OR11H4: variants seen among roughly 807,000 people sequenced by gnomAD.
OR11H4 encodes the protein olfactory receptor family 11 subfamily H member 4, also known as olfactory receptor 11H4.
For synonymous variants in OR11H4, 162 were observed against 142.3 expected, an observed-to-expected ratio of 1.14 and a Z score of -0.98; for missense variants, 460 against 371.1, an observed-to-expected ratio of 1.24 and a Z score of -1.97.
In OR11H4 at chr14:20,243,349, C is replaced by A. The variant is rs763223386; in HGVS notation, c.528C>A (p.His176Gln). ...TCTGTGGTCCTAATATCATTGATCACTTCCTGTGTGACATGGACCCATTGA... is the reference window on the plus strand; with the variant it reads ...TCTGTGGTCCTAATATCATTGATCAATTCCTGTGTGACATGGACCCATTGA... ...LPFCGPNIID[H>Q]FLCDMDPLMA... is the part of the protein sequence containing the mutation. Residue 176 changes from histidine to glutamine, a missense_variant, in exon 2 of 2, where the codon CAC becomes CAA. Coordinates refer to ENST00000641082, the MANE Select transcript of OR11H4 (RefSeq NM_001004479.2). The A allele has an allele frequency of 2.3e-5, 37 of 1,613,840 alleles. No homozygotes were observed. The Admixed American group carries it at 5.7e-4, about 25-fold the overall frequency.
chr14:20,242,104 CTT>C (rs1246077066), intron 1 of OR11H4, among the ~76,000 whole-genome samples: 1 of 152,044 alleles, frequency 6.6e-6, no homozygotes, highest in Non-Finnish European at 1.5e-5. Flanking sequence ...AGGCTTTCCT[CTT>C]TTACTAATCC....
intron 1 of OR11H4, among the ~76,000 whole-genome samples, chr14:20,241,600 T>A (rs144694582): frequency 0.01 from 1,585 of 152,272 alleles, 35 homozygotes; most frequent in African/African-American, 0.036. Flanking sequence ...ATTTCTGGTC[T>A]GGTAGGACGA....
Position 20,242,937 on chromosome 14 carries a change from T to C in OR11H4, c.116T>C (p.Leu39Ser), listed in dbSNP as rs1283484856. ...TTTTTGGTGATTTATGTCTTGACCT[T>C]GCTGGGAAATGGAGCCATCATCTAT... ...SLFLVIYVLT[L>S]LGNGAIIYAV... The change falls in exon 2 of 2, where the codon TTG becomes TCG. Residue 39 changes from leucine to serine, a missense_variant. Leu to Ser is a moderately radical substitution (Grantham distance 145). Transcript: ENST00000641082. 7 of 1,614,064 alleles carry C rather than the reference T, an allele frequency of 4.3e-6. No homozygotes were observed. The highest frequency in any genetic ancestry group is 5.9e-6 in the Non-Finnish European group (7 of 1,180,038).
chr14:20,240,621 AGGCT>A (rs1308285732), intron 1 of OR11H4, among the ~76,000 whole-genome samples: 1 of 146,676 alleles, frequency 6.8e-6, no homozygotes, highest in Non-Finnish European at 1.5e-5. Flanking sequence ...TCTGTCACCC[AGGCT>A]GGAGTGCAAT....
In OR11H4 at chr14:20,243,127, T is replaced by G; in HGVS notation, c.306T>G (p.Tyr102Ter). Residue 102 changes from tyrosine (Y) to a stop codon, truncating the protein, a stop_gained, in exon 2 of 2, where the codon TAT becomes TAG. Transcript: ENST00000641082. LOFTEE classifies it low-confidence loss of function (END_TRUNC). ...ISFSGCFLQF[Y>*]FFFSLGTTEC... ...TTTCTGGGTGCTTCCTCCAGTTCTA[T>G]TTCTTCTTTTCACTGGGAACAACTG... 6.2e-7 allele frequency: 1 copy of G among 1,614,168 alleles called. No individual in the cohort carries two copies. The highest frequency in any genetic ancestry group is 8.5e-7 in the Non-Finnish European group (1 of 1,180,026).
At position 20,243,531 on chromosome 14, in the gene OR11H4, C is replaced by A; in HGVS notation, c.710C>A (p.Ala237Asp). 1.9e-6 allele frequency: 3 copies of A among 1,613,540 alleles called. No homozygotes were observed. Among genetic ancestry groups the A allele is most frequent in the Non-Finnish European group, 2.5e-6 (3 of 1,179,816 alleles). ...QVPSAAGRRK[A>D]FSTCGSHLVV... ...CCTTCTGCAGCTGGTCGGAGAAAAGCCTTCTCTACCTGTGGTTCTCATTTG... is the reference window on the plus strand; with the variant it reads ...CCTTCTGCAGCTGGTCGGAGAAAAGACTTCTCTACCTGTGGTTCTCATTTG... Residue 237 changes from alanine (A) to aspartate (D), a missense_variant, in exon 2 of 2, where the codon GCC becomes GAC. Ala to Asp is a moderately radical substitution (Grantham distance 126). Coordinates refer to ENST00000641082, the MANE Select transcript of OR11H4 (RefSeq NM_001004479.2).
rs1880991519 is a variant in OR11H4 at position 20,243,575 on chromosome 14, T to C, written c.754T>C (p.Tyr252His). The C allele has an allele frequency of 6.2e-7, 1 of 1,613,694 alleles. No homozygotes were observed. Among genetic ancestry groups the C allele is most frequent in the Non-Finnish European group, 8.5e-7 (1 of 1,179,838 alleles). ...GSHLVVVSLFYGTVMVMYVSP... is the reference protein window; with the variant it reads ...GSHLVVVSLFHGTVMVMYVSP... ...TCATTTGGTTGTGGTATCTCTTTTC[T>C]ATGGGACAGTCATGGTAATGTATGT... Residue 252 changes from tyrosine (Y) to histidine (H), a missense_variant, in exon 2 of 2, where the codon TAT (tyrosine) becomes CAT (histidine). By Grantham distance (83) the Tyr-to-His change is moderately conservative. Transcript: ENST00000641082.
At position 20,243,845 on chromosome 14, in the gene OR11H4, C is replaced by A; in HGVS notation, c.*79C>A. 2 of 1,411,600 alleles carry A rather than the reference C, an allele frequency of 1.4e-6. No individual in the cohort carries two copies. The highest frequency in any genetic ancestry group is 1.9e-6 in the Non-Finnish European group (2 of 1,047,960). The allele number at this position is 1,411,600 out of a possible 1,614,324, so 87.4% of individuals were successfully genotyped here. On this transcript the variant is annotated 3_prime_UTR_variant, in exon 2 of 2. Transcript: ENST00000641082. Reference sequence around the variant, plus strand: ...GTCAGTTCTTTAGCAGTCTTTCAGTCCTCAGTCTGAGTAGTTAGAGGTTGT... The same window carrying A: ...GTCAGTTCTTTAGCAGTCTTTCAGTACTCAGTCTGAGTAGTTAGAGGTTGT...
intron 1 of OR11H4, among the ~76,000 whole-genome samples, chr14:20,241,047 T>C: frequency 6.6e-6 from 1 of 152,114 alleles, no homozygotes; most frequent in East Asian, 1.9e-4. Context: ...TTACCTTCCT[T>C]TCAGTAAACA....
At chr14:20,242,153 G>T (rs935049605) in intron 1 of OR11H4, among the ~76,000 whole-genome samples, 1 of 151,944 alleles carries the variant, frequency 6.6e-6, no homozygotes, top group Non-Finnish European at 1.5e-5. Flanking sequence ...TCCGGCTGGG[G>T]GACGGTCAGG....
chr14:20,243,322 C>T lies in OR11H4; in HGVS notation c.501C>T (p.Pro167=). 1 of 1,614,022 alleles carries T rather than the reference C, an allele frequency of 6.2e-7. No individual in the cohort carries two copies. The highest frequency in any genetic ancestry group is 1.1e-5 in the South Asian group (1 of 91,078). Residue 167 remains proline, a synonymous_variant, in exon 2 of 2, where the codon CCC becomes CCT. Coordinates refer to ENST00000641082, the MANE Select transcript of OR11H4 (RefSeq NM_001004479.2). The part of the protein sequence containing the change: ...PIPIFYISQL[P]FCGPNIIDHF... ...CCATTTTCTACATCTCCCAACTCCC[C>T]TTCTGTGGTCCTAATATCATTGATC...
At position 20,241,839 on chromosome 14, in the gene OR11H4, T is replaced by A. The variant is rs1880930810; in HGVS notation, c.-11-972T>A. On this transcript the variant is annotated intron_variant, in intron 1 of 1. Coordinates refer to ENST00000641082, the MANE Select transcript of OR11H4 (RefSeq NM_001004479.2). ...AAACATGTGAGCAGAAGAATCTATGTCATAATTAAGTTCAAGGGAAGGTAC... is the reference window on the plus strand; with the variant it reads ...AAACATGTGAGCAGAAGAATCTATGACATAATTAAGTTCAAGGGAAGGTAC... Among the ~76,000 whole-genome samples the A allele has an allele frequency of 2.6e-5, 4 of 152,024 alleles. No individual in the cohort carries two copies. The South Asian group carries it at 8.3e-4, about 32-fold the overall frequency.
chr14:20,240,814 G>A (rs61993910), intron 1 of OR11H4, among the ~76,000 whole-genome samples: 24,647 of 151,668 alleles, frequency 0.16, 2,635 homozygotes, highest in African/African-American at 0.3. Context: ...TGACTTCAGC[G>A]ATCTACCCAC....
At position 20,244,326 on chromosome 14, in the gene OR11H4, T is replaced by G. The variant is rs2138754342; in HGVS notation, c.*560T>G. ...ATCTGCTCCTCAGAGTCAATACATC[T>G]AAATCCCTCTGTCTGGCACTCGACA... On this transcript the variant is annotated 3_prime_UTR_variant, in exon 2 of 2. Coordinates refer to ENST00000641082, the MANE Select transcript of OR11H4 (RefSeq NM_001004479.2). The G allele has an allele frequency of 6.6e-6, 1 of 152,392 alleles. No homozygotes were observed. Among genetic ancestry groups the G allele is most frequent in the East Asian group, 1.9e-4 (1 of 5,178 alleles). The allele number at this position is 152,392 out of a possible 1,614,324, so 9.4% of individuals were successfully genotyped here. A position where few individuals can be genotyped will look rare whatever the true frequency, so the allele number is the denominator to read the frequency against.
Position 20,242,828 on chromosome 14 carries a change from A to C in OR11H4, c.7A>C (p.Arg3=). The C allele has an allele frequency of 6.2e-7, 1 of 1,613,986 alleles. No homozygotes were observed. The highest frequency in any genetic ancestry group is 8.5e-7 in the Non-Finnish European group (1 of 1,179,872). Residue 3 remains arginine, a synonymous_variant, in exon 2 of 2, where the codon AGG becomes CGG. Transcript: ENST00000641082. MN[R]SATHIVTEFI... is the part of the protein sequence containing the mutation. Reference sequence around the variant, plus strand: ...CTTTGTAGACTTAAGACCCATGAACAGGTCAGCAACACACATCGTGACAGA... The same window carrying C: ...CTTTGTAGACTTAAGACCCATGAACCGGTCAGCAACACACATCGTGACAGA...
At chr14:20,242,563 C>G (rs181675963) in intron 1 of OR11H4, among the ~76,000 whole-genome samples, 1 of 152,178 alleles carries the variant, frequency 6.6e-6, no homozygotes, top group African/African-American at 2.4e-5. Flanking sequence ...ACAGTCTGAT[C>G]TCTCTTTTCC....
In OR11H4 at chr14:20,243,693, C is replaced by A; in HGVS notation, c.872C>A (p.Thr291Asn). 6.2e-7 allele frequency: 1 copy of A among 1,610,782 alleles called. No homozygotes were observed. The highest frequency in any genetic ancestry group is 8.5e-7 in the Non-Finnish European group (1 of 1,179,098). Residue 291 changes from threonine (T) to asparagine (N), a missense_variant, in exon 2 of 2, where the codon ACT (threonine) becomes AAT (asparagine). Coordinates refer to ENST00000641082, the MANE Select transcript of OR11H4 (RefSeq NM_001004479.2). ...TTPLFNPLIY[T>N]LRNKDMKLAL... ...CCTCTTTTTAATCCTCTGATCTATA[C>A]TCTTCGTAATAAGGACATGAAACTC...
chr14:20,239,680 C>A (rs897740656), intron 1 of OR11H4, among the ~76,000 whole-genome samples: 7 of 150,682 alleles, frequency 4.6e-5, no homozygotes, highest in African/African-American at 1.2e-4. Context: ...GGCGACAGAG[C>A]GAGACTGTCT....
chr14:20,239,531 A>G (rs1284663078), intron 1 of OR11H4, among the ~76,000 whole-genome samples, 200 bp downstream of exon 1: 1 of 152,062 alleles, frequency 6.6e-6, no homozygotes, highest in Non-Finnish European at 1.5e-5. Flanking sequence ...CGTCTCTACT[A>G]AAAATACAAA....
Sources: gnomAD v4.1 joint callset for allele counts (sites outside exome capture counted in the v4.1 genomes callset) on GRCh38, gnomAD v4.1.1 for gene constraint, MANE v1.5 for transcripts, NCBI Gene and HGNC (gene_info 2026-07-23, HGNC 2026-07-21) for gene names.